Variants in SFMBT2 observed in about 807,000 individuals in gnomAD.
The protein encoded by SFMBT2 is Scm like with four mbt domains 2.
SFMBT2 carries 38 observed loss-of-function variants against 110.1 expected under a neutral mutation model. The ratio of observed to expected loss-of-function variants is 0.35; its 90% CI spans 0.27 to 0.45. SFMBT2 has a LOEUF of 0.45. Among genes scored for constraint, SFMBT2 ranks in the 20% least tolerant of loss-of-function variants. SFMBT2 has a pLI of 1.00. For missense variants in SFMBT2, 1,011 were observed against 1,094.9 expected (o/e 0.92, Z 1.08); for synonymous variants, 425 against 425.4 (o/e 1.00, Z 0.01).
intron 4 of SFMBT2, among the ~76,000 whole-genome samples, chr10:7,342,666 G>A (rs1448798094): frequency 6.6e-6 from 1 of 151,916 alleles, no homozygotes; most frequent in Non-Finnish European, 1.5e-5. Flanking sequence ...CAAAGTGCTG[G>A]GATTACAGGC....
chr10:7,269,975 A>C (rs1817261830), intron 7 of SFMBT2, among the ~76,000 whole-genome samples: 1 of 152,142 alleles, frequency 6.6e-6, no homozygotes, highest in South Asian at 2.1e-4. Flanking sequence ...ATTTCTGTAC[A>C]TACATGAAAT....
intron 17 of SFMBT2, among the ~76,000 whole-genome samples, chr10:7,174,070 C>T (rs977903692): frequency 2.2e-4 from 34 of 152,298 alleles, no homozygotes; most frequent in African/African-American, 7.5e-4. Context: ...GTCGGGAAGC[C>T]GCACAGCAGC....
At chr10:7,411,411 C>G (rs1453578681), upstream of SFMBT2, 1 of 152,272 alleles carries the variant, frequency 6.6e-6, no homozygotes, top group African/African-American at 2.4e-5. Flanking sequence ...ACTGGGCAAA[C>G]TCCCGTTTCC....
At position 7,207,280 on chromosome 10, in the gene SFMBT2, C is replaced by T. The variant is rs921403472; in HGVS notation, c.1331-1352G>A. Reference sequence around the variant, plus strand: ...GAGGCTGAGGTGGGAGGACTGCTCACGTCTGGGAGGTCGAGGTTGCAGTGA... The same window carrying T: ...GAGGCTGAGGTGGGAGGACTGCTCATGTCTGGGAGGTCGAGGTTGCAGTGA... On this transcript the variant is annotated intron_variant, in intron 11 of 20. Transcript: ENST00000397167. 4.0e-5 allele frequency among the ~76,000 whole-genome samples: 6 copies of T among 151,614 alleles called. No individual in the cohort carries two copies. The East Asian group carries it at 7.8e-4, about 20-fold the overall frequency.
At position 7,227,046 on chromosome 10, in the gene SFMBT2, GCA is replaced by G. The variant is rs141587807; in HGVS notation, c.1203+807_1203+808del. On this transcript the variant is annotated intron_variant, in intron 10 of 20. Transcript: ENST00000397167. ...AATAACTCTGTAAGTACACGCATGT[GCA>G]CACACACACACACTCATTGCCACTT... Among the ~76,000 whole-genome samples, 26 of 151,738 alleles carry G rather than the reference GCA, an allele frequency of 1.7e-4. No homozygotes were observed. In the East Asian group the frequency reaches 1.9e-3, roughly 11 times the overall value.
chr10:7,257,267 G>A (rs146722152), intron 7 of SFMBT2, among the ~76,000 whole-genome samples: 36 of 152,188 alleles, frequency 2.4e-4, no homozygotes, highest in African/African-American at 8.4e-4. Context: ...CTTAAAACAG[G>A]GGTCAGGAGG....
At chr10:7,204,432 T>C (rs1839061313) in intron 12 of SFMBT2, 1 of 985,244 alleles carries the variant, frequency 1.0e-6, no homozygotes, top group Non-Finnish European at 1.2e-6. Context: ...ACGGAATCTC[T>C]TTAACAGTTA....
At chr10:7,404,311 A>C (rs1846155950) in intron 1 of SFMBT2, among the ~76,000 whole-genome samples, 1 of 152,228 alleles carries the variant, frequency 6.6e-6, no homozygotes, top group Non-Finnish European at 1.5e-5. Context: ...CTTGTATCAT[A>C]CCTTAAAGTA....
chr10:7,205,850 T>C lies in SFMBT2; in HGVS notation c.1409A>G (p.Asn470Ser), dbSNP rs201772796. 5.6e-6 allele frequency: 9 copies of C among 1,614,116 alleles called. No homozygotes were observed. The highest frequency in any genetic ancestry group is 2.7e-5 in the African/African-American group (2 of 75,034). Reference protein sequence around the residue: ...DIFPVGWCEANSYPLTAPHKT... With the variant: ...DIFPVGWCEASSYPLTAPHKT... ...GTGTGGTGCAGTCAAAGGATAAGAA[T>C]TGGCTTCACACCAGCCCACTGGGAA... The change falls in exon 12 of 21, where the codon AAT (asparagine) becomes AGT (serine). Residue 470 changes from asparagine to serine, a missense_variant. Physicochemically the swap from Asn to Ser is conservative, Grantham distance 46. This residue lies in a region of SFMBT2 where 979 missense variants were observed against 1,016.1 expected (regional missense o/e 0.96). Transcript: ENST00000397167.
chr10:7,306,900 T>G (rs1842714470), intron 4 of SFMBT2, among the ~76,000 whole-genome samples: 1 of 152,140 alleles, frequency 6.6e-6, no homozygotes, highest in Non-Finnish European at 1.5e-5. Flanking sequence ...TGCATGTCAT[T>G]TACATTGCAT....
chr10:7,351,061 A>C (rs920824642), intron 4 of SFMBT2, among the ~76,000 whole-genome samples: 42 of 152,216 alleles, frequency 2.8e-4, no homozygotes, highest in Admixed American at 2.1e-3. Context: ...TTGTGATATC[A>C]ATATGCATGA....
At chr10:7,179,445 G>GT (rs1409709324) in intron 16 of SFMBT2, among the ~76,000 whole-genome samples, 1 of 144,904 alleles carries the variant, frequency 6.9e-6, no homozygotes, top group Non-Finnish European at 1.5e-5. Flanking sequence ...TGGGAACACC[G>GT]TATGTTCCTC....
At chr10:7,234,379 T>C (rs745834110) in intron 9 of SFMBT2, among the ~76,000 whole-genome samples, 72 of 152,374 alleles carry the variant, frequency 4.7e-4, no homozygotes, top group South Asian at 2.1e-4. Flanking sequence ...ATGTTCTACA[T>C]GTTATTCTGA....
chr10:7,188,094 G>A (rs887079665), intron 16 of SFMBT2, among the ~76,000 whole-genome samples: 30 of 152,102 alleles, frequency 2.0e-4, no homozygotes, highest in African/African-American at 6.8e-4. Context: ...TTTCCAATTA[G>A]CCTATTTCCA....
chr10:7,322,367 G>A (rs1483986007), intron 4 of SFMBT2, among the ~76,000 whole-genome samples: 1 of 152,052 alleles, frequency 6.6e-6, no homozygotes, highest in Non-Finnish European at 1.5e-5. Context: ...ACCCCGTCTT[G>A]GATATTTCTT....
chr10:7,254,765 T>C (rs1177507960), intron 7 of SFMBT2, among the ~76,000 whole-genome samples: 3 of 151,844 alleles, frequency 2.0e-5, no homozygotes, highest in African/African-American at 7.2e-5. Flanking sequence ...GAGGTGGAGG[T>C]TGCAGTGAGC....
At chr10:7,339,197 G>A (rs868120260) in intron 4 of SFMBT2, among the ~76,000 whole-genome samples, 4 of 152,222 alleles carry the variant, frequency 2.6e-5, no homozygotes, top group South Asian at 4.2e-4. Context: ...CAGAGATCAC[G>A]CCACTGCACT....
intron 7 of SFMBT2, among the ~76,000 whole-genome samples, chr10:7,273,087 C>T (rs780107842): frequency 1.2e-4 from 19 of 152,212 alleles, no homozygotes; most frequent in Non-Finnish European, 2.2e-4. Context: ...GAGCCACCAA[C>T]GCCCCAGCCA....
intron 4 of SFMBT2, among the ~76,000 whole-genome samples, chr10:7,315,938 T>A (rs757818812): frequency 3.3e-5 from 5 of 152,156 alleles, no homozygotes; most frequent in Non-Finnish European, 5.9e-5. Context: ...TGTTCAGGCA[T>A]AGAAGTACAC....
Sources: allele counts gnomAD v4.1 joint callset (sites outside exome capture counted in the v4.1 genomes callset), GRCh38; gene constraint gnomAD v4.1.1; regional missense constraint gnomAD v4.1.1; transcripts MANE v1.5; gene names NCBI Gene and HGNC (gene_info 2026-07-23, HGNC 2026-07-21).